Variants in PRKCE observed in about 807,000 individuals in gnomAD.
PRKCE encodes protein kinase C epsilon type.
In PRKCE, 16 loss-of-function variants were observed where a neutral mutation model predicts 85.4. That is an observed-to-expected ratio of 0.19 (90% CI 0.13 to 0.28). The LOEUF (loss-of-function observed/expected upper bound fraction) is 0.28, where lower values mean the gene tolerates loss of function less well. Among genes scored for constraint, PRKCE ranks in the 10% least tolerant of loss-of-function variants. PRKCE has a pLI of 1.00. For synonymous variants in PRKCE, 388 were observed against 371.5 expected (o/e 1.04, Z -0.51); for missense variants, 573 against 975.2 (o/e 0.59, Z 5.49).
At chr2:45,667,252 G>A (rs112251052) in intron 1 of PRKCE, among the ~76,000 whole-genome samples, 8,447 of 151,926 alleles carry the variant, frequency 0.056, 602 homozygotes, top group African/African-American at 0.17. Context: ...GGGAGGTTGC[G>A]GTGAGCCGAG....
chr2:45,797,920 G>A (rs1687571130), intron 1 of PRKCE, among the ~76,000 whole-genome samples: 1 of 152,216 alleles, frequency 6.6e-6, no homozygotes, highest in Non-Finnish European at 1.5e-5. Flanking sequence ...AATGCACATT[G>A]CCAACATAAC....
upstream of PRKCE, chr2:45,651,358 C>T (rs1228697459): frequency 6.6e-6 from 1 of 150,886 alleles, no homozygotes; most frequent in Non-Finnish European, 1.5e-5. Flanking sequence ...GCCGCCCGGA[C>T]TCCGAGCCCG....
intron 1 of PRKCE, among the ~76,000 whole-genome samples, chr2:45,720,514 C>G (rs1044814265): frequency 6.6e-6 from 1 of 152,050 alleles, no homozygotes; most frequent in Non-Finnish European, 1.5e-5. Context: ...GGTAGGGAGT[C>G]TTAGATATGT....
chr2:45,937,535 AC>A (rs1336511873), intron 2 of PRKCE, among the ~76,000 whole-genome samples: 1 of 151,832 alleles, frequency 6.6e-6, no homozygotes, highest in Non-Finnish European at 1.5e-5. Context: ...ATACGGTGAA[AC>A]CCCATCTCCA....
At chr2:45,651,573 T>G, upstream of PRKCE, 1 of 153,052 alleles carries the variant, frequency 6.5e-6, no homozygotes. Flanking sequence ...CCCCGCGCGG[T>G]CAGAGGCAGG....
intron 1 of PRKCE, among the ~76,000 whole-genome samples, chr2:45,738,178 A>G (rs1013876277): frequency 6.6e-6 from 1 of 152,206 alleles, no homozygotes; most frequent in Non-Finnish European, 1.5e-5. Flanking sequence ...AGTTTTAATT[A>G]TGTTAATTAA....
Position 45,710,695 on chromosome 2 carries a change from A to G in PRKCE, c.348+58247A>G, listed in dbSNP as rs190662788. 3.7e-3 allele frequency among the ~76,000 whole-genome samples: 570 copies of G among 152,316 alleles called. 4 individuals are homozygous for G. Among genetic ancestry groups the G allele is most frequent in the Admixed American group, 7.1e-3 (108 of 15,298 alleles). On this transcript the variant is annotated intron_variant, in intron 1 of 14. Transcript: ENST00000306156. ...CCAGGGCTTGGGGACTGGCTGTCAC[A>G]GGGATTTACGGCTGTTACTAACTGA...
At chr2:46,108,147 C>G (rs2104181569) in intron 11 of PRKCE, among the ~76,000 whole-genome samples, 1 of 152,238 alleles carries the variant, frequency 6.6e-6, no homozygotes, top group East Asian at 1.9e-4. Flanking sequence ...AGGCGGGTCT[C>G]TAACTCTTGG....
chr2:45,712,876 T>C (rs1270740111), intron 1 of PRKCE, among the ~76,000 whole-genome samples: 1 of 152,196 alleles, frequency 6.6e-6, no homozygotes, highest in East Asian at 1.9e-4. Context: ...GTGTCATTTA[T>C]CTTCGTATTC....
intron 2 of PRKCE, among the ~76,000 whole-genome samples, chr2:45,954,905 C>T (rs1177922918): frequency 6.6e-6 from 1 of 152,150 alleles, no homozygotes; most frequent in Non-Finnish European, 1.5e-5. Context: ...CATTGCTTCT[C>T]CTACCTACTA....
intron 2 of PRKCE, among the ~76,000 whole-genome samples, chr2:45,966,726 G>A (rs2595204): frequency 0.67 from 102,032 of 151,864 alleles, 34,668 homozygotes; most frequent in East Asian, 0.77. Context: ...CAGTTTTCCC[G>A]GTCCTAAAGC....
At chr2:45,752,013 T>C (rs1397136018) in intron 1 of PRKCE, among the ~76,000 whole-genome samples, 1 of 149,570 alleles carries the variant, frequency 6.7e-6, no homozygotes, top group Non-Finnish European at 1.5e-5. Context: ...GAGACGGGGT[T>C]TCACCGTTTT....
At chr2:46,156,093 T>C (rs1677179312) in intron 13 of PRKCE, among the ~76,000 whole-genome samples, 1 of 151,788 alleles carries the variant, frequency 6.6e-6, no homozygotes, top group Non-Finnish European at 1.5e-5. Flanking sequence ...ATCTAGCCAT[T>C]TCGCGCCTCA....
chr2:45,971,533 C>G (rs549217907), intron 2 of PRKCE, among the ~76,000 whole-genome samples: 1 of 152,294 alleles, frequency 6.6e-6, no homozygotes, highest in South Asian at 2.1e-4. Context: ...TTCTCTCTGG[C>G]TTTTACTTAG....
intron 10 of PRKCE, among the ~76,000 whole-genome samples, chr2:46,042,848 C>A (rs1210716642): frequency 6.6e-6 from 1 of 152,232 alleles, no homozygotes; most frequent in Admixed American, 6.5e-5. Context: ...TGTTCACAGG[C>A]ACCTCCCTGG....
chr2:46,116,379 G>C (rs1031558674), intron 11 of PRKCE, among the ~76,000 whole-genome samples: 1 of 152,220 alleles, frequency 6.6e-6, no homozygotes, highest in African/African-American at 2.4e-5. Context: ...AAACATCCCT[G>C]TGACCAGTAA....
chr2:45,693,538 G>A (rs970713494), intron 1 of PRKCE, among the ~76,000 whole-genome samples: 1 of 152,186 alleles, frequency 6.6e-6, no homozygotes, highest in African/African-American at 2.4e-5. Flanking sequence ...CAGGGAGGAA[G>A]GTCGAGAGGA....
chr2:46,025,586 G>A (rs1707041773), intron 10 of PRKCE, among the ~76,000 whole-genome samples: 1 of 152,102 alleles, frequency 6.6e-6, no homozygotes, highest in African/African-American at 2.4e-5. Flanking sequence ...GCCCCTTCCG[G>A]GTCACATACA....
At chr2:45,841,931 G>T (rs150842616) in intron 1 of PRKCE, among the ~76,000 whole-genome samples, 1 of 152,220 alleles carries the variant, frequency 6.6e-6, no homozygotes, top group African/African-American at 2.4e-5. Flanking sequence ...AGTGGTTCCT[G>T]CCCTCAAGAT....
Sources: gnomAD v4.1 joint callset for allele counts (sites outside exome capture counted in the v4.1 genomes callset) on GRCh38, gnomAD v4.1.1 for gene constraint, MANE v1.5 for transcripts, NCBI Gene and HGNC (gene_info 2026-07-23, HGNC 2026-07-21) for gene names.